The following TMEM132B variants were observed in gnomAD, a reference collection of about 807,000 sequenced individuals.
TMEM132B encodes the protein transmembrane protein 132B.
In TMEM132B, 18 loss-of-function variants were observed where a neutral mutation model predicts 90.8. The ratio of observed to expected loss-of-function variants is 0.20; its 90% confidence interval spans 0.14 to 0.29. TMEM132B has a LOEUF of 0.29. TMEM132B is among the 10% of genes least tolerant of loss of function. TMEM132B has a pLI of 1.00. For missense variants in TMEM132B, 1,096 were observed against 1,326.8 expected (o/e 0.83, Z 2.70); for synonymous variants, 504 against 523.3 (o/e 0.96, Z 0.50).
intron 5 of TMEM132B, among the ~76,000 whole-genome samples, chr12:125,637,836 G>C (rs915714369): frequency 6.6e-6 from 1 of 152,198 alleles, no homozygotes; most frequent in African/African-American, 2.4e-5. Context: ...GCACATCAGT[G>C]GTTGCCTGGG....
intron 2 of TMEM132B, among the ~76,000 whole-genome samples, chr12:125,358,455 T>A (rs928709787): frequency 2.6e-5 from 4 of 152,216 alleles, no homozygotes; most frequent in Admixed American, 2.0e-4. Flanking sequence ...CTTTTTCTGC[T>A]CCAGGAACCC....
chr12:125,432,023 T>C (rs1880523589), intron 3 of TMEM132B, among the ~76,000 whole-genome samples: 2 of 151,038 alleles, frequency 1.3e-5, no homozygotes, highest in African/African-American at 4.9e-5. Context: ...TTTCCTGTGC[T>C]AGGGAGACAG....
Position 125,629,860 on chromosome 12 carries a change from CT to C in TMEM132B, c.1438-14213del, listed in dbSNP as rs145969367. 5.6e-4 allele frequency among the ~76,000 whole-genome samples: 85 copies of C among 152,138 alleles called. 1 individual carries two copies. Among genetic ancestry groups the C allele is most frequent in the African/African-American group, 2.0e-3 (82 of 41,530 alleles). On this transcript the variant is annotated intron_variant, in intron 5 of 8. Coordinates refer to ENST00000682704, the MANE Select transcript of TMEM132B (RefSeq NM_001366854.1). ...GTTTTTATCATGAAGAGACGTTGAACTTTATCAGATTCTTTTTCAGCATCAG... is the reference window on the plus strand; with the variant it reads ...GTTTTTATCATGAAGAGACGTTGAACTTATCAGATTCTTTTTCAGCATCAG...
At chr12:125,455,794 G>T (rs4765254) in intron 3 of TMEM132B, among the ~76,000 whole-genome samples, 47,570 of 151,980 alleles carry the variant, frequency 0.31, 7,639 homozygotes, top group East Asian at 0.51. Context: ...TGGCCAGGGA[G>T]TTGTAAGTGG....
intron 1 of TMEM132B, among the ~76,000 whole-genome samples, chr12:125,224,577 T>C (rs940309151): frequency 5.9e-5 from 9 of 152,326 alleles, no homozygotes; most frequent in East Asian, 1.9e-4. Context: ...TCCTGAGGGA[T>C]TGGAGCTGCC....
chr12:125,556,452 G>T (rs371210033), intron 4 of TMEM132B, among the ~76,000 whole-genome samples: 1 of 152,258 alleles, frequency 6.6e-6, no homozygotes, highest in East Asian at 1.9e-4. Context: ...AACTCCAGAC[G>T]GTGGTATATG....
intron 1 of TMEM132B, among the ~76,000 whole-genome samples, chr12:125,217,373 C>T (rs1188993082): frequency 2.0e-5 from 3 of 152,192 alleles, no homozygotes; most frequent in Non-Finnish European, 4.4e-5. Flanking sequence ...TTAGGTCATT[C>T]TGAGTTTCAG....
At chr12:125,570,033 T>G (rs10744219) in intron 4 of TMEM132B, among the ~76,000 whole-genome samples, 144,601 of 151,914 alleles carry the variant, frequency 0.95, 68,866 homozygotes, top group African/African-American at 0.98. Context: ...GGGAAGGAAG[T>G]TTTCCAGAAG....
At chr12:125,255,271 TTCTC>T (rs975113988) in intron 1 of TMEM132B, among the ~76,000 whole-genome samples, 23 of 151,588 alleles carry the variant, frequency 1.5e-4, no homozygotes, top group African/African-American at 4.4e-4. Flanking sequence ...CTCTCTCTCT[TTCTC>T]TTTCTTTCTT....
At chr12:125,250,171 G>C (rs547035018) in intron 1 of TMEM132B, among the ~76,000 whole-genome samples, 2 of 152,238 alleles carry the variant, frequency 1.3e-5, no homozygotes, top group African/African-American at 4.8e-5. Flanking sequence ...CCCACATTGT[G>C]GGGGGATCTG....
intron 4 of TMEM132B, among the ~76,000 whole-genome samples, chr12:125,578,746 C>G (rs1287435649): frequency 6.6e-6 from 1 of 152,110 alleles, no homozygotes; most frequent in African/African-American, 2.4e-5. Context: ...TTTTTTCTTC[C>G]ACCACATTGA....
chr12:125,316,286 T>C (rs1156990748), intron 1 of TMEM132B, among the ~76,000 whole-genome samples: 6 of 152,192 alleles, frequency 3.9e-5, no homozygotes, highest in South Asian at 4.1e-4. Context: ...CAGAGCTGCC[T>C]GGCTTGAGAC....
intron 4 of TMEM132B, among the ~76,000 whole-genome samples, chr12:125,559,050 G>T (rs1884459020): frequency 6.6e-6 from 1 of 152,200 alleles, no homozygotes; most frequent in African/African-American, 2.4e-5. Flanking sequence ...TGATAAAGTT[G>T]AGTCTTTGAG....
intron 1 of TMEM132B, among the ~76,000 whole-genome samples, chr12:125,266,685 T>C (rs2136115055): frequency 6.6e-6 from 1 of 152,354 alleles, no homozygotes; most frequent in South Asian, 2.1e-4. Flanking sequence ...GTAAAAAATG[T>C]TACCCAAGTT....
chr12:125,631,680 T>G (rs998695450), intron 5 of TMEM132B, among the ~76,000 whole-genome samples: 1 of 152,180 alleles, frequency 6.6e-6, no homozygotes, highest in Non-Finnish European at 1.5e-5. Flanking sequence ...GTTGGGAGCA[T>G]ATTTAGTTAA....
rs201797955 is a variant in TMEM132B, at chr12:125,312,544, G to A, written c.68-36908G>A. Among the ~76,000 whole-genome samples the A allele has an allele frequency of 8.5e-5, 13 of 152,338 alleles. No homozygotes were observed. The East Asian group carries it at 2.1e-3, about 25-fold the overall frequency. ...AGGACCCTTGGGTAGATGTCCCAGC[G>A]TCCTCTGGAGAGACCCAGGCTGAGC... On this transcript the variant is annotated intron_variant, in intron 1 of 8. Transcript: ENST00000682704.
rs962081346 is a variant in TMEM132B at position 125,589,375 on chromosome 12, G to C, written c.1437+5381G>C. 2.4e-3 allele frequency among the ~76,000 whole-genome samples: 357 copies of C among 150,934 alleles called. 3 individuals carry two copies. The highest frequency in any genetic ancestry group is 8.4e-3 in the African/African-American group (345 of 41,222). On this transcript the variant is annotated intron_variant, in intron 5 of 8. Transcript: ENST00000682704. ...CGGGGGCCTGTAGTCCCAGCTACTC[G>C]GGAGGCTGAGGCAGGAGAATGGCGT...
intron 1 of TMEM132B, among the ~76,000 whole-genome samples, chr12:125,335,673 C>T (rs138735665): frequency 1.8e-3 from 274 of 152,208 alleles, no homozygotes; most frequent in African/African-American, 6.3e-3. Context: ...GGGGAAAATG[C>T]ATCTTAAAAA....
chr12:125,356,469 C>T (rs1178130599), intron 2 of TMEM132B, among the ~76,000 whole-genome samples: 2 of 152,218 alleles, frequency 1.3e-5, no homozygotes, highest in Admixed American at 6.5e-5. Flanking sequence ...GCCAAACACC[C>T]AGTAACCACG....
Sources: gnomAD v4.1 joint callset for allele counts (sites outside exome capture counted in the v4.1 genomes callset) on GRCh38, gnomAD v4.1.1 for gene constraint, MANE v1.5 for transcripts, NCBI Gene and HGNC (gene_info 2026-07-23, HGNC 2026-07-21) for gene names.